Variants in SLC9A9 observed in about 807,000 individuals in gnomAD.
SLC9A9 encodes solute carrier family 9 member A9.
A neutral mutation model predicts 77.8 loss-of-function variants in SLC9A9; 62 were observed. The observed-to-expected ratio is 0.80, with a 90% CI of 0.65 to 0.98. The LOEUF (loss-of-function observed/expected upper bound fraction) is 0.98, where lower values mean the gene tolerates loss of function less well. SLC9A9 is among the 50% of genes least tolerant of loss of function. The pLI, the probability that SLC9A9 is intolerant of heterozygous loss-of-function variation, is 0.00. For missense variants in SLC9A9, 775 were observed against 774.9 expected (o/e 1.00, Z 0.00); for synonymous variants, 320 against 283.5 (o/e 1.13, Z -1.29).
chr3:143,650,926 T>C (rs149178726), intron 6 of SLC9A9, among the ~76,000 whole-genome samples: 8 of 152,344 alleles, frequency 5.3e-5, no homozygotes, highest in Admixed American at 4.6e-4. Flanking sequence ...GGAAAACTAC[T>C]GTGAATGGTG....
chr3:143,715,147 G>A (rs1452873209), intron 4 of SLC9A9, among the ~76,000 whole-genome samples: 2 of 152,076 alleles, frequency 1.3e-5, no homozygotes, highest in African/African-American at 2.4e-5. Context: ...GCCCAGTCTT[G>A]GCTAAGTCTT....
chr3:143,306,450 A>G (rs908860719), intron 14 of SLC9A9, among the ~76,000 whole-genome samples: 2 of 152,220 alleles, frequency 1.3e-5, no homozygotes, highest in African/African-American at 4.8e-5. Flanking sequence ...GAGATAATGC[A>G]TGCAAAGTGT....
chr3:143,706,246 G>A (rs889819167), intron 4 of SLC9A9, among the ~76,000 whole-genome samples: 3 of 152,246 alleles, frequency 2.0e-5, no homozygotes, highest in Middle Eastern at 3.4e-3. Flanking sequence ...GGGAACCATC[G>A]CCATCTGCTA....
chr3:143,502,084 A>G (rs1053315377), intron 9 of SLC9A9, among the ~76,000 whole-genome samples: 1 of 151,204 alleles, frequency 6.6e-6, no homozygotes, highest in Admixed American at 6.6e-5. Flanking sequence ...TCAGTGTTCA[A>G]TATAAATAAC....
At position 143,832,355 on chromosome 3, in the gene SLC9A9, T is replaced by C. The variant is rs2009460195; in HGVS notation, c.176-134A>G. On this transcript the variant is annotated intron_variant, in intron 1 of 15. Transcript: ENST00000316549. ...GTTATTGCCTGGTCTAGAAAAGTGT[T>C]CACTTTTGCATGGATACCAGTTCAA... The C allele has an allele frequency of 4.0e-6, 3 of 746,680 alleles. No individual in the cohort carries two copies. The South Asian group carries it at 5.1e-5, about 13-fold the overall frequency. 46.3% of individuals were successfully genotyped at this position (746,680 alleles called of 1,614,324 possible).
chr3:143,797,178 T>TTA (rs922130737), intron 2 of SLC9A9, among the ~76,000 whole-genome samples: 62 of 45,730 alleles, frequency 1.4e-3, no homozygotes, highest in Non-Finnish European at 1.9e-3. Context: ...AAATGTCTTT[T>TTA]TATATATATA....
chr3:143,573,990 A>T, intron 8 of SLC9A9, 98 bp downstream of exon 8: 1 of 1,015,726 alleles, frequency 9.8e-7, no homozygotes, highest in Non-Finnish European at 1.5e-6. Flanking sequence ...TATTTAAGAG[A>T]GACTTCATTT....
intron 9 of SLC9A9, among the ~76,000 whole-genome samples, chr3:143,545,894 C>T (rs1188594896): frequency 1.3e-5 from 2 of 152,176 alleles, no homozygotes; most frequent in Admixed American, 6.5e-5. Flanking sequence ...CAAGTGATCC[C>T]TACTCAACTG....
At chr3:143,305,839 A>T (rs2030756191) in intron 14 of SLC9A9, among the ~76,000 whole-genome samples, 2 of 152,220 alleles carry the variant, frequency 1.3e-5, no homozygotes, top group Admixed American at 1.3e-4. Context: ...TGAGTTACAG[A>T]ACTGTCTCCT....
chr3:143,682,995 G>A (rs918238304), intron 5 of SLC9A9, among the ~76,000 whole-genome samples: 1 of 152,140 alleles, frequency 6.6e-6, no homozygotes, highest in Non-Finnish European at 1.5e-5. Context: ...AGGTTCTAAA[G>A]ATTAAGGTAT....
intron 14 of SLC9A9, among the ~76,000 whole-genome samples, chr3:143,279,366 C>T (rs1281330910): frequency 6.6e-6 from 1 of 152,204 alleles, no homozygotes; most frequent in Non-Finnish European, 1.5e-5. Context: ...TGTTTCCACA[C>T]AAGTGAGGTG....
chr3:143,451,148 C>G (rs1313519972), intron 12 of SLC9A9, among the ~76,000 whole-genome samples: 4 of 151,566 alleles, frequency 2.6e-5, no homozygotes, highest in African/African-American at 9.7e-5. Flanking sequence ...AAATCTAGCA[C>G]TGGCAAGAGT....
At chr3:143,297,923 T>C (rs938826458) in intron 14 of SLC9A9, among the ~76,000 whole-genome samples, 20 of 152,172 alleles carry the variant, frequency 1.3e-4, no homozygotes, top group Non-Finnish European at 2.4e-4. Flanking sequence ...GGAATCCTAG[T>C]AGTGACAAGT....
intron 5 of SLC9A9, among the ~76,000 whole-genome samples, chr3:143,662,339 A>T (rs2038990830): frequency 6.6e-6 from 1 of 152,260 alleles, no homozygotes; most frequent in Non-Finnish European, 1.5e-5. Flanking sequence ...AGATCGTTTC[A>T]AGATGGCCGA....
chr3:143,644,761 T>C (rs1240182583), intron 6 of SLC9A9, among the ~76,000 whole-genome samples: 1 of 151,348 alleles, frequency 6.6e-6, no homozygotes, highest in African/African-American at 2.4e-5. Flanking sequence ...AAAACAGCCA[T>C]AACTTTTTTT....
In SLC9A9 at chr3:143,791,315, T is replaced by C. The variant is rs79784074; in HGVS notation, c.533+3686A>G. Among the ~76,000 whole-genome samples the C allele has an allele frequency of 0.012, 1,842 of 152,290 alleles. 77 individuals are homozygous for C. The East Asian group carries it at 0.16, about 13-fold the overall frequency. On this transcript the variant is annotated intron_variant, in intron 4 of 15. Coordinates refer to ENST00000316549, the MANE Select transcript of SLC9A9 (RefSeq NM_173653.4). ...AACGGTTTACATCTAATTTCTGAAATCATATGAAACTAATAAAACTTAAAG... is the reference window on the plus strand; with the variant it reads ...AACGGTTTACATCTAATTTCTGAAACCATATGAAACTAATAAAACTTAAAG...
At chr3:143,776,913 C>T (rs2007709090) in intron 4 of SLC9A9, among the ~76,000 whole-genome samples, 3 of 152,124 alleles carry the variant, frequency 2.0e-5, no homozygotes, top group Non-Finnish European at 4.4e-5. Context: ...CCTATCACAA[C>T]AATTTCATGA....
chr3:143,348,857 G>A (rs991167062), intron 14 of SLC9A9, among the ~76,000 whole-genome samples: 4 of 152,108 alleles, frequency 2.6e-5, no homozygotes, highest in African/African-American at 7.2e-5. Context: ...ACAAGGAGGG[G>A]CATTTCCTTC....
intron 4 of SLC9A9, among the ~76,000 whole-genome samples, chr3:143,711,569 TAAA>T (rs1161275488): frequency 2.2e-5 from 3 of 138,968 alleles, no homozygotes; most frequent in Admixed American, 7.5e-5. Flanking sequence ...CTGGCTAATT[TAAA>T]AAAAAAATTT....
Sources: allele counts gnomAD v4.1 joint callset (sites outside exome capture counted in the v4.1 genomes callset), GRCh38; gene constraint gnomAD v4.1.1; transcripts MANE v1.5; gene names NCBI Gene and HGNC (gene_info 2026-07-23, HGNC 2026-07-21).